AP3B1: variants seen among roughly 807,000 people sequenced by gnomAD.
AP3B1 encodes the protein adaptor related protein complex 3 subunit beta 1.
A neutral mutation model predicts 132.5 loss-of-function variants in AP3B1; 61 were observed. The observed-to-expected ratio is 0.46, with a 90% CI of 0.37 to 0.57. The LOEUF is 0.57. AP3B1 is among the 20% of genes least tolerant of loss of function. The pLI is 0.00. For missense variants in AP3B1, 1,120 were observed against 1,289.4 expected (o/e 0.87, Z 2.01); for synonymous variants, 388 against 438.3 (o/e 0.89, Z 1.43).
intron 2 of AP3B1, among the ~76,000 whole-genome samples, chr5:78,256,592 T>C (rs751267831): frequency 5.3e-5 from 8 of 151,970 alleles, no homozygotes; most frequent in Non-Finnish European, 1.0e-4. Context: ...ACCAAACATT[T>C]AAAGAAGAAT....
chr5:78,047,024 C>T (rs557308889), intron 22 of AP3B1, among the ~76,000 whole-genome samples: 1 of 152,302 alleles, frequency 6.6e-6, no homozygotes, highest in Admixed American at 6.5e-5. Context: ...ATGCAAAGTA[C>T]ATGAACTCAT....
chr5:78,143,859 C>T (rs1753265188), intron 14 of AP3B1, among the ~76,000 whole-genome samples: 1 of 151,842 alleles, frequency 6.6e-6, no homozygotes, highest in African/African-American at 2.4e-5. Context: ...ACTAAATATA[C>T]AAAATTAGCC....
chr5:78,021,454 G>A (rs1747093519), intron 24 of AP3B1, among the ~76,000 whole-genome samples: 1 of 152,024 alleles, frequency 6.6e-6, no homozygotes, highest in Non-Finnish European at 1.5e-5. Flanking sequence ...AACAATAAGT[G>A]CATTTACCTA....
At chr5:78,029,526 T>A (rs1747483932) in intron 24 of AP3B1, among the ~76,000 whole-genome samples, 1 of 134,466 alleles carries the variant, frequency 7.4e-6, no homozygotes, top group African/African-American at 3.0e-5. Context: ...AAGTAGGATT[T>A]AATCTCTGAC....
intron 22 of AP3B1, among the ~76,000 whole-genome samples, chr5:78,077,661 T>G (rs1749819793): frequency 6.7e-6 from 1 of 150,308 alleles, no homozygotes; most frequent in Non-Finnish European, 1.5e-5. Context: ...AGCCTTCAGG[T>G]ATACTAGTTC....
At chr5:78,208,091 CAGAGAGAGAAAG>C (rs1348636984) in intron 7 of AP3B1, among the ~76,000 whole-genome samples, 1 of 151,542 alleles carries the variant, frequency 6.6e-6, no homozygotes, top group Non-Finnish European at 1.5e-5. Context: ...GACAGAGAGA[CAGAGAGAGAAAG>C]AGAGAGAGAA....
At chr5:78,082,841 G>A (rs1232035522) in intron 22 of AP3B1, among the ~76,000 whole-genome samples, 1 of 151,152 alleles carries the variant, frequency 6.6e-6, no homozygotes, top group East Asian at 1.9e-4. Context: ...TTTAGACGGA[G>A]TTTCGCTCTT....
intron 22 of AP3B1, among the ~76,000 whole-genome samples, chr5:78,062,631 A>G (rs1447137182): frequency 6.6e-6 from 1 of 152,214 alleles, no homozygotes; most frequent in African/African-American, 2.4e-5. Flanking sequence ...AAATTTCACT[A>G]GGCAACAGGG....
chr5:78,243,373 C>T lies in AP3B1; in HGVS notation c.205-2437G>A, dbSNP rs543682108. Among the ~76,000 whole-genome samples the T allele has an allele frequency of 4.6e-5, 7 of 152,228 alleles. No individual in the cohort carries two copies. In the South Asian group the frequency reaches 6.2e-4, roughly 14 times the overall value. On this transcript the variant is annotated intron_variant, in intron 2 of 26. Transcript: ENST00000255194. ...ACTCCATGACTATCTAACTTTATTC[C>T]GCAGAACGTTATTCAAATATGGGGA...
intron 22 of AP3B1, among the ~76,000 whole-genome samples, chr5:78,076,496 G>A (rs1320436714): frequency 1.3e-5 from 2 of 152,174 alleles, no homozygotes; most frequent in African/African-American, 4.8e-5. Flanking sequence ...GGCCCTTTGG[G>A]ACCACACCTG....
chr5:78,013,389 T>C (rs1487244626), intron 26 of AP3B1, among the ~76,000 whole-genome samples: 1 of 150,976 alleles, frequency 6.6e-6, no homozygotes, highest in Non-Finnish European at 1.5e-5. Flanking sequence ...ACAGCTGCCA[T>C]TGCTTTCAGA....
intron 22 of AP3B1, chr5:78,088,963 G>GA (rs982003922): frequency 1.3e-4 from 20 of 158,986 alleles, no homozygotes; most frequent in South Asian, 8.5e-4. Flanking sequence ...AAATAAGACA[G>GA]AAAAAAAAAT....
chr5:78,294,014 AT>A (rs1749643980), intron 1 of AP3B1, among the ~76,000 whole-genome samples: 2 of 152,096 alleles, frequency 1.3e-5, no homozygotes. Context: ...GGGTCACAAA[AT>A]AACTTCCCAC....
chr5:78,006,887 C>A (rs543684868), intron 26 of AP3B1, among the ~76,000 whole-genome samples: 5 of 152,112 alleles, frequency 3.3e-5, no homozygotes, highest in Admixed American at 3.3e-4. Context: ...ATCTTTGAAG[C>A]CTATAGGAAT....
chr5:78,193,738 ATT>A (rs370371072), intron 7 of AP3B1, among the ~76,000 whole-genome samples: 15,432 of 87,320 alleles, frequency 0.18, 1,288 homozygotes, highest in Admixed American at 0.26. Flanking sequence ...ATTTGTATAT[ATT>A]TTTTTATATA....
chr5:78,249,535 T>C (rs1266980508), intron 2 of AP3B1, among the ~76,000 whole-genome samples: 1 of 151,968 alleles, frequency 6.6e-6, no homozygotes, highest in Non-Finnish European at 1.5e-5. Flanking sequence ...TCCAAGGCTC[T>C]GTTCTTTTCA....
chr5:78,216,168 T>C lies in AP3B1; in HGVS notation c.673A>G (p.Asn225Asp). ...CPDRIDLIHK[N>D]YRKLCNLLVD... ...AGTAAGTTACATAGCTTGCGGTAAT[T>C]TTTATGAATCAGATCTATTCTGTCC... is the stretch of plus-strand genomic sequence containing the variant. Residue 225 changes from asparagine (N) to aspartate (D), a missense_variant, in exon 7 of 27, where the codon AAT becomes GAT. By Grantham distance (23) the Asn-to-Asp change is conservative. Coordinates refer to ENST00000255194, the MANE Select transcript of AP3B1 (RefSeq NM_003664.5). 6.2e-7 allele frequency: 1 copy of C among 1,614,086 alleles called. No homozygotes were observed. Among genetic ancestry groups the C allele is most frequent in the Non-Finnish European group, 8.5e-7 (1 of 1,179,954 alleles).
chr5:78,279,606 A>G (rs1302023978), intron 1 of AP3B1, among the ~76,000 whole-genome samples: 2 of 151,876 alleles, frequency 1.3e-5, no homozygotes, highest in Non-Finnish European at 2.9e-5. Flanking sequence ...AAAGCTGACT[A>G]TATTAAGAAT....
chr5:78,116,746 G>T (rs1751852835), intron 17 of AP3B1, among the ~76,000 whole-genome samples: 1 of 152,020 alleles, frequency 6.6e-6, no homozygotes, highest in Non-Finnish European at 1.5e-5. Context: ...AAGCCATCAA[G>T]AAATCCTGTA....
Sources: gnomAD v4.1 joint callset for allele counts (sites outside exome capture counted in the v4.1 genomes callset) on GRCh38, gnomAD v4.1.1 for gene constraint, MANE v1.5 for transcripts, NCBI Gene and HGNC (gene_info 2026-07-23, HGNC 2026-07-21) for gene names.